Variants in PGK1 observed in about 807,000 individuals in gnomAD.
The protein encoded by PGK1 is PRP 2.
A neutral mutation model predicts 26.9 loss-of-function variants in PGK1; 3 were observed. That is an observed-to-expected ratio of 0.11 (90% CI 0.05 to 0.29). The LOEUF (loss-of-function observed/expected upper bound fraction) is 0.29, where lower values mean the gene tolerates loss of function less well. PGK1 is among the 10% of genes least tolerant of loss of function. The probability of loss-of-function intolerance (pLI) is 1.00; values close to 1 mark genes in which losing one functional copy is unlikely to be tolerated. For missense variants in PGK1, 270 were observed against 314.7 expected, an observed-to-expected ratio of 0.86 and a Z score of 1.07; for synonymous variants, 125 against 115.3, an observed-to-expected ratio of 1.08 and a Z score of -0.54.
intron 6 of PGK1, among the ~76,000 whole-genome samples, chrX:78,121,099 C>A: frequency 8.9e-6 from 1 of 112,081 alleles, no homozygotes; most frequent in East Asian, 2.8e-4. Context: ...AAGCAGATTT[C>A]TTTTAAATAA....
rs1557248785 is a variant in PGK1 at position 78,127,074 on chromosome X, CT to C, written c.*1248del. On this transcript the variant is annotated 3_prime_UTR_variant, in exon 11 of 11. Coordinates refer to ENST00000373316, the MANE Select transcript of PGK1 (RefSeq NM_000291.4). ...TTTCCTATAACCTTCTTGGGGATTTCTTTTACCTCCTGTGTTAGACTCCTGT... is the reference window on the plus strand; with the variant it reads ...TTTCCTATAACCTTCTTGGGGATTTCTTTACCTCCTGTGTTAGACTCCTGT... 8.9e-6 allele frequency: 1 copy of C among 112,449 alleles called. No homozygotes were observed. The highest frequency in any genetic ancestry group is 2.8e-4 in the East Asian group (1 of 3,600). 9.3% of individuals were successfully genotyped at this position (112,449 alleles called of 1,213,427 possible).
At chrX:78,114,241 A>G (rs957573990) in intron 4 of PGK1, 81 bp downstream of exon 4, 32 of 996,817 alleles carry the variant, frequency 3.2e-5, no homozygotes, top group Non-Finnish European at 4.1e-5. Flanking sequence ...GAGAAAGCTC[A>G]TTTATTTTAA....
intron 4 of PGK1, among the ~76,000 whole-genome samples, chrX:78,114,594 AC>A (rs1435405061): frequency 2.8e-5 from 3 of 107,810 alleles, no homozygotes; most frequent in South Asian, 4.0e-4. Context: ...AAAAAAAAAA[AC>A]TTAAGTTTCT....
chrX:78,111,546 A>AC (rs1328640291), intron 2 of PGK1, among the ~76,000 whole-genome samples: 1 of 73,099 alleles, frequency 1.4e-5, no homozygotes, highest in African/African-American at 1.5e-4. Flanking sequence ...GTGTTTTTAT[A>AC]CTACAGCACA....
intron 6 of PGK1, among the ~76,000 whole-genome samples, chrX:78,121,947 C>T (rs1460130504): frequency 8.9e-6 from 1 of 112,144 alleles, no homozygotes; most frequent in Non-Finnish European, 1.9e-5. Context: ...AGGCATGTAA[C>T]CCTAGTGCTT....
chrX:78,114,310 G>T (rs2078316094), intron 4 of PGK1, 150 bp downstream of exon 4: 1 of 591,352 alleles, frequency 1.7e-6, no homozygotes, highest in African/African-American at 2.2e-5. Flanking sequence ...TTATCTCAAA[G>T]TAAACACACT....
intron 2 of PGK1, among the ~76,000 whole-genome samples, chrX:78,111,467 G>A (rs1557246875): frequency 1.8e-5 from 2 of 112,077 alleles, no homozygotes; most frequent in Non-Finnish European, 3.8e-5. Context: ...TACAATGTGA[G>A]CCAAATTGTG....
chrX:78,115,453 C>T (rs868956987), intron 4 of PGK1, among the ~76,000 whole-genome samples: 2 of 110,770 alleles, frequency 1.8e-5, no homozygotes, highest in Non-Finnish European at 3.8e-5. Flanking sequence ...GTCAGGAGTT[C>T]GAGACCTGCC....
At position 78,128,881 on chromosome X, in the gene PGK1, T is replaced by G. The variant is rs1215569431; in HGVS notation, c.*3051T>G. On this transcript the variant is annotated 3_prime_UTR_variant, in exon 11 of 11. Transcript: ENST00000373316. ...CAGAAGCAACCTCTGGAAGACCAGTTTCTTTCAATCTAAGGCTATTTAATA... is the reference window on the plus strand; with the variant it reads ...CAGAAGCAACCTCTGGAAGACCAGTGTCTTTCAATCTAAGGCTATTTAATA... The G allele has an allele frequency of 1.8e-5, 2 of 111,372 alleles. No homozygotes were observed. The highest frequency in any genetic ancestry group is 3.8e-5 in the Non-Finnish European group (2 of 53,128). The allele number at this position is 111,372 out of a possible 1,213,427, so 9.2% of individuals were successfully genotyped here.
intron 4 of PGK1, among the ~76,000 whole-genome samples, chrX:78,114,581 CAAAAAA>C (rs11330839): frequency 1.1e-5 from 1 of 94,991 alleles, no homozygotes; most frequent in Non-Finnish European, 2.2e-5. Flanking sequence ...AACTAAGTCT[CAAAAAA>C]AAAAAAACTT....
intron 6 of PGK1, among the ~76,000 whole-genome samples, chrX:78,120,791 G>T (rs984250423): frequency 8.9e-6 from 1 of 111,989 alleles, no homozygotes; most frequent in Admixed American, 9.5e-5. Context: ...CTTGTGCCCT[G>T]CTGTCAGGAA....
chrX:78,105,245 G>T (rs2078266211), intron 1 of PGK1, among the ~76,000 whole-genome samples: 1 of 112,164 alleles, frequency 8.9e-6, no homozygotes, highest in Non-Finnish European at 1.9e-5. Flanking sequence ...TTATCTGCCA[G>T]AATTGTTGGT....
rs1211742269 is a variant in PGK1 at position 78,113,148 on chromosome X, A to G, written c.117-596A>G. ...AACCCCTACAAAAAATACAAAAATT[A>G]GCTGGGCATGGTGGTGCATTCCTGT... On this transcript the variant is annotated intron_variant, in intron 2 of 10. Transcript: ENST00000373316. Among the ~76,000 whole-genome samples the G allele has an allele frequency of 2.7e-5, 3 of 111,053 alleles. No homozygotes were observed. In the East Asian group the frequency reaches 8.5e-4, roughly 31 times the overall value.
At chrX:78,105,570 TAGG>T (rs1314271172) in intron 1 of PGK1, among the ~76,000 whole-genome samples, 6 of 111,576 alleles carry the variant, frequency 5.4e-5, no homozygotes, top group Non-Finnish European at 1.1e-4. Flanking sequence ...CGTAAGTCAG[TAGG>T]AGATCTCCCT....
chrX:78,105,854 G>T (rs1384436288), intron 1 of PGK1, among the ~76,000 whole-genome samples: 2 of 111,515 alleles, frequency 1.8e-5, no homozygotes, highest in Non-Finnish European at 3.8e-5. Flanking sequence ...TGCCCTTTCT[G>T]GCCCTCATAC....
rs529638900 is a variant in PGK1 at position 78,111,795 on chromosome X, C to T, written c.116+1878C>T. Among the ~76,000 whole-genome samples, 32 of 111,698 alleles carry T rather than the reference C, an allele frequency of 2.9e-4. No individual in the cohort carries two copies. In the South Asian group the frequency reaches 0.011, roughly 40 times the overall value. On this transcript the variant is annotated intron_variant, in intron 2 of 10. Transcript: ENST00000373316. ...ACACACAGAAACGATTGGAAATATG[C>T]CTATCAAGTTATTTTAAGAGTAAAG...
intron 10 of PGK1, 35 bp downstream of exon 10, chrX:78,125,460 A>G: frequency 1.1e-6 from 1 of 946,390 alleles, no homozygotes; most frequent in Non-Finnish European, 1.5e-6. Context: ...TGTTTGGGAT[A>G]AGGGTGGACT....
At chrX:78,123,596 A>G (rs782746015) in intron 8 of PGK1, among the ~76,000 whole-genome samples, 1 of 107,803 alleles carries the variant, frequency 9.3e-6, no homozygotes, top group South Asian at 4.0e-4. Flanking sequence ...GTGTTGCAAA[A>G]CTTTGTTGTT....
At position 78,123,503 on chromosome X, in the gene PGK1, C is replaced by T. The variant is rs1300656882; in HGVS notation, c.936+129C>T. ...AGGAGATCTGTCAGAGAGGGCTCTG[C>T]ATGTTGCAGTGAGTCCCTCATGGAA... On this transcript the variant is annotated intron_variant, in intron 8 of 10. Coordinates refer to ENST00000373316, the MANE Select transcript of PGK1 (RefSeq NM_000291.4). 5 of 551,030 alleles carry T rather than the reference C, an allele frequency of 9.1e-6. No individual in the cohort carries two copies. The African/African-American group carries it at 9.1e-5, about 10-fold the overall frequency. The allele number at this position is 551,030 out of a possible 1,213,427, so 45.4% of individuals were successfully genotyped here.
Sources: allele counts gnomAD v4.1 joint callset (sites outside exome capture counted in the v4.1 genomes callset), GRCh38; gene constraint gnomAD v4.1.1; transcripts MANE v1.5; gene names NCBI Gene and HGNC (gene_info 2026-07-23, HGNC 2026-07-21).